Variants in PPFIA4 observed in about 807,000 individuals in gnomAD.
PPFIA4 encodes PPFI scaffold protein A4, also known as liprin-alpha-4.
Under a neutral mutation model 145.7 loss-of-function variants are expected in PPFIA4, and 98 were observed. That is an observed-to-expected ratio of 0.67 (90% CI 0.57 to 0.80). The LOEUF is 0.80. PPFIA4 is among the 30% of genes least tolerant of loss of function. The pLI, the probability that PPFIA4 is intolerant of heterozygous loss-of-function variation, is 0.00. For missense variants in PPFIA4, 1,457 were observed against 1,632.7 expected, an observed-to-expected ratio of 0.89 and a Z score of 1.85; for synonymous variants, 628 against 649.6, an observed-to-expected ratio of 0.97 and a Z score of 0.51.
intron 14 of PPFIA4, among the ~76,000 whole-genome samples, chr1:203,052,395 C>G (rs141689736): frequency 2.0e-5 from 3 of 152,000 alleles, no homozygotes; most frequent in Non-Finnish European, 2.9e-5. Context: ...CAGAAAAATG[C>G]CGAGTTTGAT....
At chr1:203,062,252 C>T (rs574654601) in intron 24 of PPFIA4, among the ~76,000 whole-genome samples, 19 of 150,760 alleles carry the variant, frequency 1.3e-4, no homozygotes, top group Non-Finnish European at 2.4e-4. Flanking sequence ...CCGAGGCGGG[C>T]GGATCACGAG....
chr1:203,036,469 C>T (rs886096797), intron 1 of PPFIA4, among the ~76,000 whole-genome samples: 3 of 151,926 alleles, frequency 2.0e-5, no homozygotes, highest in African/African-American at 7.3e-5. Context: ...CAGTCTTCTC[C>T]AAAGTTAGCC....
chr1:203,055,617 A>G lies in PPFIA4; in HGVS notation c.2015A>G (p.Lys672Arg). ...CCACTCAGCGGCCGCTCCACACCTA[A>G]GCTCACCTCCCGCAGTGCTGCCCAG... ...SPPLSGRSTP[K>R]LTSRSAAQDL... Residue 672 changes from lysine to arginine, a missense_variant, in exon 16 of 30, where the codon AAG (lysine) becomes AGG (arginine). By Grantham distance (26) the Lys-to-Arg change is conservative. This residue lies in a region of PPFIA4 where 848 missense variants were observed against 1,046.7 expected (regional missense o/e 0.81). Transcript: ENST00000295706. The surrounding 1 kb of genome is among the most constrained non-coding windows in gnomAD (Gnocchi z 4.8). 1 of 1,613,890 alleles carries G rather than the reference A, an allele frequency of 6.2e-7. No individual in the cohort carries two copies. Among genetic ancestry groups the G allele is most frequent in the Non-Finnish European group, 8.5e-7 (1 of 1,179,866 alleles).
Position 203,055,364 on chromosome 1 carries a change from G to C in PPFIA4, c.1830-68G>C. 3.8e-6 allele frequency: 6 copies of C among 1,599,192 alleles called. No homozygotes were observed. The highest frequency in any genetic ancestry group is 5.1e-6 in the Non-Finnish European group (6 of 1,168,522). On this transcript the variant is annotated intron_variant, in intron 15 of 29. Coordinates refer to ENST00000295706, the MANE Select transcript of PPFIA4 (RefSeq NM_001304331.2). The surrounding 1 kb of genome is among the most constrained non-coding windows in gnomAD (Gnocchi z 4.8). ...GTCCTTGGTGGCGAGTGCAGGCATC[G>C]ACCCGCACTGCCTCCTGCTGGTCCT...
chr1:203,062,178 G>T (rs1311547892), intron 24 of PPFIA4, among the ~76,000 whole-genome samples: 1 of 151,924 alleles, frequency 6.6e-6, no homozygotes, highest in African/African-American at 2.4e-5. Flanking sequence ...TGTCAATAGG[G>T]ATAAAAAAGA....
At chr1:203,049,649 G>A (rs767696971) in intron 12 of PPFIA4, 27 bp from the exon 13 acceptor site, 87 of 454,498 alleles carry the variant, frequency 1.9e-4, no homozygotes, top group Middle Eastern at 6.9e-4. Context: ...CCCCACTCCC[G>A]CCCCCACCCC....
rs182442396 is a variant in PPFIA4, at chr1:203,068,870, T to C, written c.3324+242T>C. ...CCTAGCGTGGGCCTGGCACACAGTG[T>C]GCTCTTACAATGCGCATCCCCGTCC... On this transcript the variant is annotated intron_variant, in intron 27 of 29. Coordinates refer to ENST00000295706, the MANE Select transcript of PPFIA4 (RefSeq NM_001304331.2). This position sits in a 1 kb window ranked among gnomAD's most constrained non-coding sequence, Gnocchi z 4.7. Among the ~76,000 whole-genome samples, 131 of 152,294 alleles carry C rather than the reference T, an allele frequency of 8.6e-4. 1 individual carries two copies. The highest frequency in any genetic ancestry group is 3.1e-3 in the African/African-American group (129 of 41,552).
In PPFIA4 at chr1:203,038,936, T is replaced by C. The variant is rs1291585757; in HGVS notation, c.-73T>C. On this transcript the variant is annotated 5_prime_UTR_variant, in exon 2 of 30. Coordinates refer to ENST00000295706, the MANE Select transcript of PPFIA4 (RefSeq NM_001304331.2). ...CCCACTCTGAGACCCATGCACTGGG[T>C]TCCCCTGGAGGTGCCAACCCTGTGA... is the stretch of plus-strand genomic sequence containing the variant. 1.3e-6 allele frequency: 1 copy of C among 776,770 alleles called. No individual in the cohort carries two copies. The highest frequency in any genetic ancestry group is 2.1e-6 in the Non-Finnish European group (1 of 475,514). 48.1% of individuals were successfully genotyped at this position (776,770 alleles called of 1,614,324 possible).
At chr1:203,057,775 G>A (rs1661076950) in intron 19 of PPFIA4, among the ~76,000 whole-genome samples, 1 of 152,218 alleles carries the variant, frequency 6.6e-6, no homozygotes, top group African/African-American at 2.4e-5. Flanking sequence ...TCAGAACTCG[G>A]CTATGGAATG....
chr1:203,055,821 T>C lies in PPFIA4; in HGVS notation c.2070+149T>C. On this transcript the variant is annotated intron_variant, in intron 16 of 29. Transcript: ENST00000295706. The surrounding 1 kb of genome is among the most constrained non-coding windows in gnomAD (Gnocchi z 4.8). ...ACCCCGACATGTCAGGCCACCAGCC[T>C]GTCCTTCTGGGTTTGGGAAGGGCCT... is the stretch of plus-strand genomic sequence containing the variant. 1 of 1,302,496 alleles carries C rather than the reference T, an allele frequency of 7.7e-7. No individual in the cohort carries two copies. Among genetic ancestry groups the C allele is most frequent in the Non-Finnish European group, 1.1e-6 (1 of 949,088 alleles). 80.7% of individuals were successfully genotyped at this position (1,302,496 alleles called of 1,614,324 possible).
At chr1:203,076,258 T>TG in intron 29 of PPFIA4, 83 bp from the exon 30 acceptor site, 4 of 1,455,620 alleles carry the variant, frequency 2.7e-6, no homozygotes, top group Non-Finnish European at 3.8e-6. Context: ...GCGTTGCCGC[T>TG]GTCGCACACA....
intron 24 of PPFIA4, among the ~76,000 whole-genome samples, chr1:203,061,904 T>C (rs558915077): frequency 7.5e-4 from 114 of 151,692 alleles, no homozygotes; most frequent in African/African-American, 2.5e-3. Context: ...CTGTGGCCCC[T>C]GCATTCCTGG....
At chr1:203,052,151 C>T (rs780428210) in intron 14 of PPFIA4, among the ~76,000 whole-genome samples, 7 of 146,192 alleles carry the variant, frequency 4.8e-5, no homozygotes, top group Non-Finnish European at 9.0e-5. Context: ...TGTGCCTGGG[C>T]GTGCAGGCGT....
chr1:203,076,502 T>C lies in PPFIA4; in HGVS notation c.*112T>C, dbSNP rs1662560670. The C allele has an allele frequency of 9.0e-7, 1 of 1,114,034 alleles. No homozygotes were observed. Among genetic ancestry groups the C allele is most frequent in the Non-Finnish European group, 1.3e-6 (1 of 748,184 alleles). 69.0% of individuals were successfully genotyped at this position (1,114,034 alleles called of 1,614,324 possible). ...CAGCTCCTAGTCTCGTCCGTGACTT[T>C]CCGGTTGCCCTGGATCTCAGAATAT... is the stretch of plus-strand genomic sequence containing the variant. On this transcript the variant is annotated 3_prime_UTR_variant, in exon 30 of 30. Transcript: ENST00000295706.
intron 29 of PPFIA4, 107 bp from the exon 30 acceptor site, chr1:203,076,234 G>A: frequency 7.7e-7 from 1 of 1,299,358 alleles, no homozygotes; most frequent in Non-Finnish European, 1.1e-6. Flanking sequence ...GGCGCTTTGC[G>A]CTTGGAGCAC....
At position 203,077,406 on chromosome 1, in the gene PPFIA4, A is replaced by G. The variant is rs3820151; in HGVS notation, c.*1016A>G. 20,117 of 152,124 alleles carry G rather than the reference A, an allele frequency of 0.13. 1,718 individuals carry two copies. Among genetic ancestry groups the G allele is most frequent in the Middle Eastern group, 0.26 (76 of 294 alleles). The allele number at this position is 152,124 out of a possible 1,614,324, so 9.4% of individuals were successfully genotyped here. A position where few individuals can be genotyped will look rare whatever the true frequency, so the allele number is the denominator to read the frequency against. On this transcript the variant is annotated 3_prime_UTR_variant, in exon 30 of 30. Transcript: ENST00000295706. Reference sequence around the variant, plus strand: ...AGTAATCCCAACCCTATAAAAATGAACCTAATGGGTGGATTGAATATACAT... The same window carrying G: ...AGTAATCCCAACCCTATAAAAATGAGCCTAATGGGTGGATTGAATATACAT...
At chr1:203,061,153 A>G (rs1402001767) in intron 23 of PPFIA4, 121 bp downstream of exon 23, 3 of 925,592 alleles carry the variant, frequency 3.2e-6, no homozygotes, top group Non-Finnish European at 5.2e-6. Flanking sequence ...TGAGGTTGGT[A>G]TCCCTGAGGT....
chr1:203,048,122 G>A lies in PPFIA4; in HGVS notation c.1141-105G>A, dbSNP rs964346785. On this transcript the variant is annotated intron_variant, in intron 9 of 29. Transcript: ENST00000295706. This position sits in a 1 kb window ranked among gnomAD's most constrained non-coding sequence, Gnocchi z 5.8. ...GAGGCTGAGCGTCACTGGTACTGGGGGCCATGATCCCCAGGGCCACCCTGG... is the reference window on the plus strand; with the variant it reads ...GAGGCTGAGCGTCACTGGTACTGGGAGCCATGATCCCCAGGGCCACCCTGG... The A allele has an allele frequency of 1.6e-5, 16 of 980,138 alleles. No homozygotes were observed. The highest frequency in any genetic ancestry group is 8.1e-5 in the African/African-American group (5 of 62,002). The allele number at this position is 980,138 out of a possible 1,614,324, so 60.7% of individuals were successfully genotyped here. A position where few individuals can be genotyped will look rare whatever the true frequency, so the allele number is the denominator to read the frequency against.
intron 1 of PPFIA4, among the ~76,000 whole-genome samples, chr1:203,036,027 G>C (rs1179411478): frequency 3.3e-5 from 5 of 152,210 alleles, no homozygotes; most frequent in African/African-American, 1.2e-4. Flanking sequence ...AGGAGGATTT[G>C]GGGAGGCCAA....
Sources: allele counts gnomAD v4.1 joint callset (sites outside exome capture counted in the v4.1 genomes callset), GRCh38; gene constraint gnomAD v4.1.1; regional missense constraint gnomAD v4.1.1; non-coding constraint Gnocchi (gnomAD v3.1); transcripts MANE v1.5; gene names NCBI Gene and HGNC (gene_info 2026-07-23, HGNC 2026-07-21).